C11orf65: variants seen among roughly 807,000 people sequenced by gnomAD.
C11orf65 encodes the protein chromosome 11 open reading frame 65.
Under a neutral mutation model 35.3 loss-of-function variants are expected in C11orf65, and 38 were observed. The observed-to-expected ratio is 1.08, with a 90% CI of 0.83 to 1.41. The LOEUF (loss-of-function observed/expected upper bound fraction) is 1.41, where lower values mean the gene tolerates loss of function less well. Ranked by LOEUF, C11orf65 falls within the 40% of genes most tolerant of loss-of-function variation. C11orf65 has a pLI of 0.00. For synonymous variants in C11orf65, 105 were observed against 114.4 expected (o/e 0.92, Z 0.53); for missense variants, 370 against 367.1 (o/e 1.01, Z -0.06).
At chr11:108,393,184 C>T (rs764629506) in intron 7 of C11orf65, 24 bp downstream of exon 7, 38 of 1,596,018 alleles carry the variant, frequency 2.4e-5, no homozygotes, top group Non-Finnish European at 2.9e-5. Context: ...CCCTTGTTCC[C>T]CAAGAATAGC....
At chr11:108,340,871 C>G (rs548024063) in intron 2 of C11orf65, among the ~76,000 whole-genome samples, 1 of 152,084 alleles carries the variant, frequency 6.6e-6, no homozygotes, top group African/African-American at 2.4e-5. Flanking sequence ...AGTGTAAATG[C>G]TGTGTAAATA....
chr11:108,371,576 T>A (rs79072699), intron 2 of C11orf65, among the ~76,000 whole-genome samples: 4 of 152,236 alleles, frequency 2.6e-5, no homozygotes, highest in Non-Finnish European at 5.9e-5. Flanking sequence ...CCTTCCTTTT[T>A]AAGGCTGAAT....
downstream of C11orf65, among the ~76,000 whole-genome samples, chr11:108,380,893 A>T (rs1035023792): frequency 2.6e-5 from 4 of 152,300 alleles, no homozygotes; most frequent in African/African-American, 9.6e-5. Context: ...GGACCTATAA[A>T]ATGCATGATT....
At chr11:108,327,807 C>T (rs1478346049), downstream of C11orf65, 2 of 1,334,210 alleles carry the variant, frequency 1.5e-6, no homozygotes, top group East Asian at 2.4e-5. Context: ...CATGAATATG[C>T]TTCATCTTTT....
At chr11:108,469,506 T>A (rs2093564275), upstream of C11orf65, among the ~76,000 whole-genome samples, 1 of 151,410 alleles carries the variant, frequency 6.6e-6, no homozygotes, top group South Asian at 2.1e-4. Flanking sequence ...ACATACATAA[T>A]TAAACATAAT....
rs56000155 is a variant in C11orf65, at chr11:108,353,662, G to A, written c.227-18370C>T. 3,747 of 892,562 alleles carry A rather than the reference G, an allele frequency of 4.2e-3. 78 individuals are homozygous for A. In the African/African-American group the frequency reaches 0.048, roughly 12 times the overall value. 55.3% of individuals were successfully genotyped at this position (892,562 alleles called of 1,614,324 possible). On this transcript the variant is annotated intron_variant, in intron 2 of 3. Coordinates refer to the C11orf65 transcript ENST00000524755. ...CTGTACATACTAGTGTTCATAGAAC[G>A]TAGGTAACATGTGGTTTCTTGCCTT...
intron 3 of C11orf65, among the ~76,000 whole-genome samples, chr11:108,411,264 AT>A (rs1345865250): frequency 6.6e-6 from 1 of 152,056 alleles, no homozygotes; most frequent in Non-Finnish European, 1.5e-5. Context: ...ATTTGCAAAA[AT>A]TTGGTGGTTT....
intron 2 of C11orf65, among the ~76,000 whole-genome samples, chr11:108,454,131 A>G (rs1014169149): frequency 1.8e-4 from 27 of 151,962 alleles, no homozygotes; most frequent in Non-Finnish European, 3.7e-4. Context: ...CTATTTCTTC[A>G]TGATTCAGTC....
At chr11:108,439,132 A>T (rs1228868192) in intron 2 of C11orf65, among the ~76,000 whole-genome samples, 1 of 152,248 alleles carries the variant, frequency 6.6e-6, no homozygotes, top group Admixed American at 6.5e-5. Context: ...CTACATCTCA[A>T]CAACAAATGC....
At chr11:108,415,889 C>A (rs2092723360) in intron 3 of C11orf65, among the ~76,000 whole-genome samples, 1 of 152,014 alleles carries the variant, frequency 6.6e-6, no homozygotes, top group Non-Finnish European at 1.5e-5. Context: ...GGTGCTGGAA[C>A]ACCATTTGGA....
At chr11:108,415,609 A>T (rs1190862025) in intron 3 of C11orf65, among the ~76,000 whole-genome samples, 2 of 152,204 alleles carry the variant, frequency 1.3e-5, no homozygotes, top group African/African-American at 4.8e-5. Flanking sequence ...GGACAAACTG[A>T]TTATAAATTT....
intron 2 of C11orf65, among the ~76,000 whole-genome samples, chr11:108,458,811 T>A (rs1353802325): frequency 6.6e-6 from 1 of 152,146 alleles, no homozygotes; most frequent in Non-Finnish European, 1.5e-5. Context: ...GTCACAGCCA[T>A]CCCAGTCCTG....
Position 108,309,884 on chromosome 11 carries a change from T to C in C11orf65, c.641-813A>G, listed in dbSNP as rs1203050612. Among the ~76,000 whole-genome samples, 4 of 152,168 alleles carry C rather than the reference T, an allele frequency of 2.6e-5. No homozygotes were observed. In the East Asian group the frequency reaches 7.7e-4, roughly 29 times the overall value. On this transcript the variant is annotated intron_variant, in intron 6 of 6. Transcript: ENST00000525729. ...TGGATTTCTTGGTAGAGAGCAGATA[T>C]GAACCCCAATTTTGTATCAGGTGAT... is the stretch of plus-strand genomic sequence containing the variant.
intron 2 of C11orf65, among the ~76,000 whole-genome samples, chr11:108,358,458 C>T (rs1021835020): frequency 6.6e-6 from 1 of 151,130 alleles, no homozygotes; most frequent in African/African-American, 2.4e-5. Context: ...CACAAAGATA[C>T]TCTTTGAGAA....
chr11:108,447,438 C>G (rs2093279886), intron 2 of C11orf65, among the ~76,000 whole-genome samples: 1 of 152,136 alleles, frequency 6.6e-6, no homozygotes, highest in South Asian at 2.1e-4. Context: ...AACTGTCTCT[C>G]AGACCACAGT....
At chr11:108,399,091 T>A (rs187887142) in intron 6 of C11orf65, among the ~76,000 whole-genome samples, 11 of 152,178 alleles carry the variant, frequency 7.2e-5, no homozygotes, top group Admixed American at 5.9e-4. Context: ...AGGGCCTCCA[T>A]CCCTGTAATC....
chr11:108,360,106 A>C (rs1434976149), intron 2 of C11orf65, among the ~76,000 whole-genome samples: 1 of 151,600 alleles, frequency 6.6e-6, no homozygotes, highest in African/African-American at 2.4e-5. Context: ...AAAAATGATA[A>C]AGGGGATATC....
intron 2 of C11orf65, among the ~76,000 whole-genome samples, chr11:108,372,174 TATTC>T (rs57080338): frequency 0.016 from 2,354 of 151,396 alleles, 28 homozygotes; most frequent in South Asian, 0.035. Context: ...CACTAAATTT[TATTC>T]ATTCATTCAT....
At chr11:108,366,800 A>C (rs925829168) in intron 2 of C11orf65, 1 of 230,134 alleles carries the variant, frequency 4.3e-6, no homozygotes, top group Non-Finnish European at 8.6e-6. Context: ...ATAAGCTTCC[A>C]TGTGTCCCAC....
Sources: gnomAD v4.1 joint callset for allele counts (sites outside exome capture counted in the v4.1 genomes callset) on GRCh38, gnomAD v4.1.1 for gene constraint, MANE v1.5 for transcripts, NCBI Gene and HGNC (gene_info 2026-07-23, HGNC 2026-07-21) for gene names.